Variants in MIPEP observed in about 807,000 individuals in gnomAD.
MIPEP encodes mitochondrial intermediate peptidase.
A neutral mutation model predicts 90.3 loss-of-function variants in MIPEP; 79 were observed. The ratio of observed to expected loss-of-function variants is 0.87; its 90% CI spans 0.73 to 1.05. The LOEUF is 1.05. Among genes scored for constraint, MIPEP ranks in the 50% least tolerant of loss-of-function variants. The pLI is 0.00. For synonymous variants in MIPEP, 334 were observed against 315.8 expected (o/e 1.06, Z -0.61); for missense variants, 940 against 905.6 (o/e 1.04, Z -0.49).
At chr13:23,844,508 C>A (rs1175389615) in intron 10 of MIPEP, among the ~76,000 whole-genome samples, 1 of 152,056 alleles carries the variant, frequency 6.6e-6, no homozygotes, top group East Asian at 1.9e-4. Flanking sequence ...TCACAGCTTA[C>A]CAGAGCAGAA....
At chr13:23,751,942 G>A (rs1282519006) in intron 18 of MIPEP, among the ~76,000 whole-genome samples, 2 of 151,810 alleles carry the variant, frequency 1.3e-5, no homozygotes, top group African/African-American at 4.8e-5. Context: ...AAAAAACTTG[G>A]AGATCGTTAA....
chr13:23,790,925 T>C (rs1952891659), intron 16 of MIPEP, among the ~76,000 whole-genome samples: 1 of 152,196 alleles, frequency 6.6e-6, no homozygotes, highest in African/African-American at 2.4e-5. Context: ...TCTCACTCCA[T>C]GGTTACAATC....
intron 4 of MIPEP, among the ~76,000 whole-genome samples, chr13:23,875,207 G>T (rs1871019068): frequency 1.3e-5 from 2 of 151,622 alleles, no homozygotes; most frequent in Non-Finnish European, 2.9e-5. Context: ...AAAGCCACAG[G>T]TTTGTACTAA....
intron 14 of MIPEP, among the ~76,000 whole-genome samples, chr13:23,830,350 A>G (rs1004169594): frequency 1.3e-5 from 2 of 152,222 alleles, no homozygotes; most frequent in Non-Finnish European, 2.9e-5. Flanking sequence ...TGTAAAGTTC[A>G]AAAAACTGAA....
At chr13:23,760,010 C>T in intron 17 of MIPEP, 86 bp downstream of exon 17, 2 of 1,540,610 alleles carry the variant, frequency 1.3e-6, no homozygotes, top group Non-Finnish European at 1.8e-6. Flanking sequence ...ATGTGGGCTG[C>T]AGTTCTCGAG....
chr13:23,883,039 T>C (rs191578095), intron 2 of MIPEP, among the ~76,000 whole-genome samples: 5 of 152,216 alleles, frequency 3.3e-5, no homozygotes, highest in African/African-American at 4.8e-5. Context: ...AAACAGTTTA[T>C]AAAACGATTG....
intron 2 of MIPEP, among the ~76,000 whole-genome samples, chr13:23,883,158 C>CAG (rs1429870519): frequency 1.3e-5 from 2 of 151,668 alleles, no homozygotes; most frequent in African/African-American, 4.8e-5. Flanking sequence ...CTTAAAAATT[C>CAG]AGAACAGAGA....
At chr13:23,835,680 G>A (rs1869005145) in intron 14 of MIPEP, among the ~76,000 whole-genome samples, 2 of 152,140 alleles carry the variant, frequency 1.3e-5, no homozygotes, top group South Asian at 4.1e-4. Context: ...ACAACTTACA[G>A]CTAGCTTAGT....
intron 16 of MIPEP, among the ~76,000 whole-genome samples, chr13:23,780,189 T>C (rs1009004362): frequency 6.6e-6 from 1 of 152,078 alleles, no homozygotes; most frequent in Non-Finnish European, 1.5e-5. Context: ...AGTAGCCTAA[T>C]TGGGAGGCAC....
intron 18 of MIPEP, among the ~76,000 whole-genome samples, chr13:23,744,318 G>A (rs578221067): frequency 2.4e-4 from 36 of 152,138 alleles, no homozygotes; most frequent in African/African-American, 6.7e-4. Context: ...TATCTTCTTT[G>A]AGCATCACTG....
chr13:23,810,058 A>G (rs1000340767), intron 14 of MIPEP, 134 bp from the exon 15 acceptor site: 4 of 519,494 alleles, frequency 7.7e-6, no homozygotes, highest in Non-Finnish European at 1.3e-5. Flanking sequence ...TAAAAATAAT[A>G]ACTTTAAATA....
At chr13:23,879,398 C>T in intron 3 of MIPEP, 44 bp from the exon 4 acceptor site, 1 of 1,032,494 alleles carries the variant, frequency 9.7e-7, no homozygotes, top group Non-Finnish European at 1.5e-6. Flanking sequence ...TTTTCTAATA[C>T]CTTATTTTTA....
At chr13:23,775,107 CTCTGTGTGTG>C (rs1952699065) in intron 16 of MIPEP, among the ~76,000 whole-genome samples, 1 of 20,188 alleles carries the variant, frequency 5.0e-5, no homozygotes, top group South Asian at 2.6e-3. Flanking sequence ...CCTATCAGTT[CTCTGTGTGTG>C]TGTGTGTGTG....
At chr13:23,788,300 T>C (rs927337067) in intron 16 of MIPEP, among the ~76,000 whole-genome samples, 6 of 152,358 alleles carry the variant, frequency 3.9e-5, no homozygotes, top group Admixed American at 3.9e-4. Flanking sequence ...TGGGCCATAT[T>C]AGGCTATGCT....
intron 18 of MIPEP, among the ~76,000 whole-genome samples, chr13:23,734,145 T>C (rs938797204): frequency 2.6e-5 from 4 of 152,226 alleles, no homozygotes; most frequent in Non-Finnish European, 4.4e-5. Context: ...AAACATTTAA[T>C]TAAGACATGG....
chr13:23,815,142 C>A (rs1351756842), intron 14 of MIPEP, among the ~76,000 whole-genome samples: 2 of 152,206 alleles, frequency 1.3e-5, no homozygotes, highest in African/African-American at 2.4e-5. Context: ...ATACAATAAT[C>A]ACTGACTTTG....
intron 10 of MIPEP, among the ~76,000 whole-genome samples, chr13:23,857,812 G>A (rs1361194356): frequency 6.6e-6 from 1 of 152,132 alleles, no homozygotes; most frequent in Non-Finnish European, 1.5e-5. Flanking sequence ...ATTGTTTTCT[G>A]TTTTTATGAC....
chr13:23,752,137 G>A (rs1433109589), intron 18 of MIPEP, among the ~76,000 whole-genome samples: 1 of 152,068 alleles, frequency 6.6e-6, no homozygotes, highest in Admixed American at 6.5e-5. Context: ...TGTTATAGGG[G>A]ATTAAACTTA....
intron 7 of MIPEP, among the ~76,000 whole-genome samples, chr13:23,865,964 T>C (rs5024796): frequency 0.92 from 139,665 of 152,090 alleles, 64,174 homozygotes; most frequent in East Asian, 1. Context: ...AGACACCACA[T>C]CTGGCCTGCC....
Sources: gnomAD v4.1 joint callset for allele counts (sites outside exome capture counted in the v4.1 genomes callset) on GRCh38, gnomAD v4.1.1 for gene constraint, MANE v1.5 for transcripts, NCBI Gene and HGNC (gene_info 2026-07-23, HGNC 2026-07-21) for gene names.